FERMT2: variants seen among roughly 807,000 people sequenced by gnomAD.
FERMT2 encodes the protein fermitin family homolog 2.
FERMT2 carries 15 observed loss-of-function variants against 82.7 expected under a neutral mutation model. The observed-to-expected ratio is 0.18, with a 90% confidence interval of 0.12 to 0.28. The LOEUF (loss-of-function observed/expected upper bound fraction) is 0.28, where lower values mean the gene tolerates loss of function less well. Ranked by LOEUF, FERMT2 falls within the 10% of genes least tolerant of loss-of-function variation. The pLI is 1.00. For synonymous variants in FERMT2, 274 were observed against 271.5 expected (o/e 1.01, Z -0.09); for missense variants, 645 against 809.4 (o/e 0.80, Z 2.46).
At chr14:52,896,208 G>C (rs535855772) in intron 3 of FERMT2, among the ~76,000 whole-genome samples, 2 of 152,188 alleles carry the variant, frequency 1.3e-5, no homozygotes, top group Non-Finnish European at 2.9e-5. Context: ...TATGCAGCAC[G>C]TGACTGTGTA....
At chr14:52,887,351 A>G (rs2139521744) in intron 4 of FERMT2, among the ~76,000 whole-genome samples, 1 of 152,182 alleles carries the variant, frequency 6.6e-6, no homozygotes, top group Middle Eastern at 3.4e-3. Context: ...CATCTCTACA[A>G]AAAATACAAA....
intron 2 of FERMT2, among the ~76,000 whole-genome samples, chr14:52,920,790 A>T (rs187483470): frequency 1.3e-5 from 2 of 151,674 alleles, no homozygotes; most frequent in Admixed American, 1.3e-4. Context: ...CCATCTCTAC[A>T]AAAAATTAGC....
At chr14:52,877,894 A>G (rs1886067455) in intron 7 of FERMT2, among the ~76,000 whole-genome samples, 1 of 152,142 alleles carries the variant, frequency 6.6e-6, no homozygotes, top group East Asian at 1.9e-4. Flanking sequence ...AAATTTAAGA[A>G]AGATGAATTA....
chr14:52,901,280 CAAAAAAAAAA>C (rs10638877), intron 3 of FERMT2, among the ~76,000 whole-genome samples: 1 of 57,258 alleles, frequency 1.7e-5, no homozygotes, highest in Admixed American at 2.8e-4. Context: ...GACTCTGTCT[CAAAAAAAAAA>C]AAAAAAAAAA....
Position 52,881,100 on chromosome 14 carries a change from A to C in FERMT2, c.791T>G (p.Val264Gly). ...DSSRSLMEQD[V>G]KENEALLLRF... Reference sequence around the variant, plus strand: ...GAGCAGCAAGGCCTCATTTTCCTTCACATCTTGTTCCATGAGAGATCTTGA... The same window carrying C: ...GAGCAGCAAGGCCTCATTTTCCTTCCCATCTTGTTCCATGAGAGATCTTGA... Residue 264 changes from valine to glycine, a missense_variant, in exon 6 of 15, where the codon GTG (valine) becomes GGG (glycine). Val to Gly is a moderately radical substitution (Grantham distance 109, BLOSUM62 -3). Coordinates refer to ENST00000341590, the MANE Select transcript of FERMT2 (RefSeq NM_006832.3). 1 of 1,613,768 alleles carries C rather than the reference A, an allele frequency of 6.2e-7. No individual in the cohort carries two copies. The highest frequency in any genetic ancestry group is 8.5e-7 in the Non-Finnish European group (1 of 1,179,878).
Position 52,861,220 on chromosome 14 carries a change from A to G in FERMT2, c.1603-755T>C, listed in dbSNP as rs1594922787. 8 of 561,960 alleles carry G rather than the reference A, an allele frequency of 1.4e-5. No homozygotes were observed. The East Asian group carries it at 2.5e-4, about 18-fold the overall frequency. The allele number at this position is 561,960 out of a possible 1,614,324, so 34.8% of individuals were successfully genotyped here. The stretch of plus-strand genomic sequence containing the variant: ...GTAAATGCAAGAATGAAAAATGAAA[A>G]TGAGGAAGCAGCAATTACTTTCCAT... On this transcript the variant is annotated intron_variant, in intron 12 of 14. Coordinates refer to ENST00000341590, the MANE Select transcript of FERMT2 (RefSeq NM_006832.3).
intron 4 of FERMT2, among the ~76,000 whole-genome samples, chr14:52,892,463 T>TTTTTTTG (rs1566733962): frequency 4.7e-4 from 11 of 23,364 alleles, no homozygotes. Context: ...TTTGTTTTTT[T>TTTTTTTG]TTTTTTTTGA....
At chr14:52,905,942 T>C (rs1420820824) in intron 3 of FERMT2, among the ~76,000 whole-genome samples, 1 of 152,062 alleles carries the variant, frequency 6.6e-6, no homozygotes, top group East Asian at 1.9e-4. Context: ...TTCAAGTAAG[T>C]TGGGGTAACA....
At chr14:52,880,557 C>T (rs749284696) in intron 6 of FERMT2, among the ~76,000 whole-genome samples, 5 of 152,072 alleles carry the variant, frequency 3.3e-5, no homozygotes, top group African/African-American at 9.7e-5. Flanking sequence ...TGCCACCATG[C>T]GTGGCTAGTT....
chr14:52,878,560 AT>A (rs1886106725), intron 7 of FERMT2, 21 bp downstream of exon 7: 1 of 1,465,242 alleles, frequency 6.8e-7, no homozygotes, highest in Non-Finnish European at 9.5e-7. Context: ...AATAAGTCCC[AT>A]TTACTAGACC....
At chr14:52,910,030 C>T (rs1888226759) in intron 3 of FERMT2, among the ~76,000 whole-genome samples, 1 of 151,924 alleles carries the variant, frequency 6.6e-6, no homozygotes, top group African/African-American at 2.4e-5. Flanking sequence ...TCCAGCCTGG[C>T]GACAGAGCGA....
At chr14:52,889,537 A>C (rs750758927) in intron 4 of FERMT2, among the ~76,000 whole-genome samples, 1 of 152,214 alleles carries the variant, frequency 6.6e-6, no homozygotes, top group Non-Finnish European at 1.5e-5. Flanking sequence ...GAACAGCCCA[A>C]TGATGCAATG....
chr14:52,892,476 T>C (rs1446023757), intron 4 of FERMT2, among the ~76,000 whole-genome samples: 1 of 147,116 alleles, frequency 6.8e-6, no homozygotes, highest in Non-Finnish European at 1.5e-5. Context: ...TTTTTTGAGA[T>C]GGAGTTTTGC....
intron 3 of FERMT2, among the ~76,000 whole-genome samples, chr14:52,910,434 G>C (rs1888251841): frequency 6.6e-6 from 1 of 151,912 alleles, no homozygotes; most frequent in Non-Finnish European, 1.5e-5. Flanking sequence ...GGGAGAAAAA[G>C]TTTCCTTTCC....
chr14:52,861,900 C>T (rs1334598944), intron 12 of FERMT2: 1 of 152,142 alleles, frequency 6.6e-6, no homozygotes, highest in African/African-American at 2.4e-5. Flanking sequence ...GTGGCCTGCA[C>T]ATCTTCCTAC....
Position 52,914,011 on chromosome 14 carries a change from C to T in FERMT2, c.391+5112G>A, listed in dbSNP as rs1165983118. The stretch of plus-strand genomic sequence containing the variant: ...TGCGTGATCTTGGGCAAGTCACTCC[C>T]TAAGCTCCATTTGGTTAAAATTCCC... On this transcript the variant is annotated intron_variant, in intron 3 of 14. Coordinates refer to ENST00000341590, the MANE Select transcript of FERMT2 (RefSeq NM_006832.3). Among the ~76,000 whole-genome samples, 4 of 152,068 alleles carry T rather than the reference C, an allele frequency of 2.6e-5. No homozygotes were observed. The East Asian group carries it at 7.7e-4, about 29-fold the overall frequency.
intron 4 of FERMT2, among the ~76,000 whole-genome samples, chr14:52,890,454 A>G (rs1213519475): frequency 3.3e-5 from 5 of 151,552 alleles, no homozygotes; most frequent in Admixed American, 1.3e-4. Flanking sequence ...GAAAAAAAAA[A>G]AAAAGAAAAG....
intron 4 of FERMT2, among the ~76,000 whole-genome samples, chr14:52,888,742 C>A (rs1886753414): frequency 6.6e-6 from 1 of 152,192 alleles, no homozygotes; most frequent in African/African-American, 2.4e-5. Context: ...TTCTAACTCT[C>A]TAAGACTTAT....
chr14:52,870,524 A>G (rs1885554609), intron 10 of FERMT2, among the ~76,000 whole-genome samples: 1 of 152,224 alleles, frequency 6.6e-6, no homozygotes, highest in Admixed American at 6.5e-5. Context: ...CTGGGATTAT[A>G]GGCATGAGCC....
Sources: gnomAD v4.1 joint callset for allele counts (sites outside exome capture counted in the v4.1 genomes callset) on GRCh38, gnomAD v4.1.1 for gene constraint, MANE v1.5 for transcripts, NCBI Gene and HGNC (gene_info 2026-07-23, HGNC 2026-07-21) for gene names.